The following CMTM8 variants were observed in gnomAD, a reference collection of about 807,000 sequenced individuals.
The protein encoded by CMTM8 is CKLF like MARVEL transmembrane domain containing 8.
CMTM8 carries 12 observed loss-of-function variants against 18.6 expected under a neutral mutation model. The ratio of observed to expected loss-of-function variants is 0.65; its 90% CI spans 0.41 to 1.05. The LOEUF (loss-of-function observed/expected upper bound fraction) is 1.05, where lower values mean the gene tolerates loss of function less well. Among genes scored for constraint, CMTM8 ranks in the 50% least tolerant of loss-of-function variants. CMTM8 has a pLI of 0.00. For synonymous variants in CMTM8, 87 were observed against 90.6 expected, an observed-to-expected ratio of 0.96 and a Z score of 0.23; for missense variants, 217 against 227.2, an observed-to-expected ratio of 0.95 and a Z score of 0.29.
chr3:32,370,183 G>A lies in CMTM8; in HGVS notation c.*216G>A. 1 of 272,468 alleles carries A rather than the reference G, an allele frequency of 3.7e-6. No homozygotes were observed. The highest frequency in any genetic ancestry group is 9.7e-5 in the South Asian group (1 of 10,324). 16.9% of individuals were successfully genotyped at this position (272,468 alleles called of 1,614,324 possible). On this transcript the variant is annotated 3_prime_UTR_variant, in exon 4 of 4. Transcript: ENST00000307526. Reference sequence around the variant, plus strand: ...ATGAACTCTTAAGTATCTTATTAATGTATTAATGTCTTCATAGATCATATT... The same window carrying A: ...ATGAACTCTTAAGTATCTTATTAATATATTAATGTCTTCATAGATCATATT...
intron 2 of CMTM8, among the ~76,000 whole-genome samples, chr3:32,362,057 T>TTTTTTTTTTTTG (rs1559390382): frequency 6.7e-6 from 1 of 149,100 alleles, no homozygotes. Context: ...TTTTTTTTTT[T>TTTTTTTTTTTTG]GGAGATGGAG....
intron 1 of CMTM8, chr3:32,259,065 A>AG: frequency 2.7e-6 from 1 of 370,482 alleles, no homozygotes; most frequent in Non-Finnish European, 5.2e-6. Context: ...GCCGGAGGGC[A>AG]GGGGGTGGCT....
At chr3:32,339,030 G>C (rs1360232046) in intron 1 of CMTM8, among the ~76,000 whole-genome samples, 5 of 152,200 alleles carry the variant, frequency 3.3e-5, no homozygotes, top group African/African-American at 1.2e-4. Context: ...GGCTGCTTGA[G>C]TGTCCTCACA....
rs1441334778 is a variant in CMTM8 at position 32,310,827 on chromosome 3, A to G, written c.148-46546A>G. ...GGAAAACATAGAAATTTGGAAATACACAAAGTTGGAAAAAAATGTTAAACA... is the reference window on the plus strand; with the variant it reads ...GGAAAACATAGAAATTTGGAAATACGCAAAGTTGGAAAAAAATGTTAAACA... On this transcript the variant is annotated intron_variant, in intron 1 of 3. Coordinates refer to ENST00000307526, the MANE Select transcript of CMTM8 (RefSeq NM_178868.5). Among the ~76,000 whole-genome samples the G allele has an allele frequency of 3.3e-5, 5 of 152,236 alleles. No homozygotes were observed. In the East Asian group the frequency reaches 9.6e-4, roughly 29 times the overall value.
chr3:32,303,309 C>A lies in CMTM8; in HGVS notation c.148-54064C>A, dbSNP rs966462458. 2.6e-5 allele frequency among the ~76,000 whole-genome samples: 4 copies of A among 152,096 alleles called. No individual in the cohort carries two copies. In the East Asian group the frequency reaches 7.7e-4, roughly 29 times the overall value. On this transcript the variant is annotated intron_variant, in intron 1 of 3. Coordinates refer to ENST00000307526, the MANE Select transcript of CMTM8 (RefSeq NM_178868.5). ...TTAATGCTTTGCTTGGAATTCATTTCGTATCTGCATAAATCTTCAAGGCCA... is the reference window on the plus strand; with the variant it reads ...TTAATGCTTTGCTTGGAATTCATTTAGTATCTGCATAAATCTTCAAGGCCA...
chr3:32,367,843 C>A (rs36061704), intron 2 of CMTM8, 29 bp from the exon 3 acceptor site: 3 of 1,510,894 alleles, frequency 2.0e-6, no homozygotes, highest in East Asian at 4.5e-5. Context: ...TCCCCTCTCC[C>A]TAAACACTCT....
chr3:32,292,479 G>T (rs1043180412), intron 1 of CMTM8, among the ~76,000 whole-genome samples: 28 of 152,280 alleles, frequency 1.8e-4, no homozygotes, highest in African/African-American at 6.3e-4. Flanking sequence ...CATAGACTGC[G>T]TAATCCATCT....
intron 1 of CMTM8, among the ~76,000 whole-genome samples, chr3:32,324,206 C>T (rs898813534): frequency 6.6e-6 from 1 of 152,094 alleles, no homozygotes; most frequent in East Asian, 1.9e-4. Flanking sequence ...TGACCTATTA[C>T]CCCATTTATT....
chr3:32,258,459 A>G (rs558144889), intron 1 of CMTM8, among the ~76,000 whole-genome samples: 1 of 152,014 alleles, frequency 6.6e-6, no homozygotes, highest in African/African-American at 2.4e-5. Flanking sequence ...TGTGTTGTGA[A>G]TATTTTTTCT....
At chr3:32,361,472 T>A (rs1347668633) in intron 2 of CMTM8, among the ~76,000 whole-genome samples, 1 of 151,976 alleles carries the variant, frequency 6.6e-6, no homozygotes, top group Non-Finnish European at 1.5e-5. Context: ...TCAGCTCAGG[T>A]CAGCTTTTAC....
At chr3:32,273,176 G>C (rs1478813816) in intron 1 of CMTM8, among the ~76,000 whole-genome samples, 1 of 106,922 alleles carries the variant, frequency 9.4e-6, no homozygotes, top group Non-Finnish European at 2.1e-5. Context: ...TGCCCAGGCT[G>C]GTCTCAAACT....
At chr3:32,336,224 T>G (rs1183096759) in intron 1 of CMTM8, among the ~76,000 whole-genome samples, 2 of 152,218 alleles carry the variant, frequency 1.3e-5, no homozygotes, top group East Asian at 1.9e-4. Flanking sequence ...CTCCCCCACC[T>G]TCCTCCCTAG....
chr3:32,240,379 C>G (rs1379396031), intron 1 of CMTM8, among the ~76,000 whole-genome samples: 2 of 152,194 alleles, frequency 1.3e-5, no homozygotes, highest in African/African-American at 4.8e-5. Flanking sequence ...GTATTGGAAT[C>G]GCCTTGCAGG....
At chr3:32,242,653 A>G (rs1701958394) in intron 1 of CMTM8, among the ~76,000 whole-genome samples, 1 of 152,018 alleles carries the variant, frequency 6.6e-6, no homozygotes, top group African/African-American at 2.4e-5. Flanking sequence ...TCAATTATTT[A>G]TCTCCCTCTA....
intron 1 of CMTM8, chr3:32,260,205 A>G (rs568865077): frequency 5.0e-5 from 68 of 1,367,096 alleles, no homozygotes; most frequent in Non-Finnish European, 2.8e-5. Flanking sequence ...TCTGAGACCA[A>G]CGACACCAAA....
chr3:32,285,847 G>C (rs73067601), intron 1 of CMTM8, among the ~76,000 whole-genome samples: 12,134 of 152,262 alleles, frequency 0.08, 522 homozygotes, highest in African/African-American at 0.085. Flanking sequence ...GAAAGCAGAA[G>C]CTGAGTCTGT....
chr3:32,305,132 A>G (rs1408217762), intron 1 of CMTM8, among the ~76,000 whole-genome samples: 1 of 152,020 alleles, frequency 6.6e-6, no homozygotes, highest in Admixed American at 6.6e-5. Context: ...CTACAAAGCC[A>G]TCTTCGAGTT....
At chr3:32,339,555 C>T (rs1465718341) in intron 1 of CMTM8, among the ~76,000 whole-genome samples, 1 of 152,192 alleles carries the variant, frequency 6.6e-6, no homozygotes, top group Non-Finnish European at 1.5e-5. Context: ...ATCTTTCTAG[C>T]CCAGAGGCCA....
intron 2 of CMTM8, among the ~76,000 whole-genome samples, chr3:32,362,569 C>A (rs1262059600): frequency 6.6e-6 from 1 of 152,170 alleles, no homozygotes; most frequent in Non-Finnish European, 1.5e-5. Flanking sequence ...GTCTGTTTGG[C>A]TCCCAGTATA....
Sources: gnomAD v4.1 joint callset for allele counts (sites outside exome capture counted in the v4.1 genomes callset) on GRCh38, gnomAD v4.1.1 for gene constraint, MANE v1.5 for transcripts, NCBI Gene and HGNC (gene_info 2026-07-23, HGNC 2026-07-21) for gene names.